Variants in HP1BP3 observed in about 807,000 individuals in gnomAD.
HP1BP3 encodes the protein heterochromatin protein 1 binding protein 3.
In HP1BP3, 12 loss-of-function variants were observed where a neutral mutation model predicts 62.5. The ratio of observed to expected loss-of-function variants is 0.19; its 90% CI spans 0.12 to 0.31. The LOEUF is 0.31. Ranked by LOEUF, HP1BP3 falls within the 10% of genes least tolerant of loss-of-function variation. The probability of loss-of-function intolerance (pLI) is 1.00; values close to 1 mark genes in which losing one functional copy is unlikely to be tolerated. For missense variants in HP1BP3, 502 were observed against 651.8 expected (o/e 0.77, Z 2.50); for synonymous variants, 260 against 237.8 (o/e 1.09, Z -0.86).
At chr1:20,767,096 A>G (rs1474129490) in intron 7 of HP1BP3, among the ~76,000 whole-genome samples, 1 of 152,124 alleles carries the variant, frequency 6.6e-6, no homozygotes, top group Non-Finnish European at 1.5e-5. Context: ...AGGCGGGCAG[A>G]TCACTGAGGT....
intron 1 of HP1BP3, among the ~76,000 whole-genome samples, chr1:20,784,876 A>C (rs1478320349): frequency 1.3e-5 from 2 of 152,212 alleles, no homozygotes; most frequent in African/African-American, 4.8e-5. Context: ...GCTTGCTTAA[A>C]CTTAATGTTA....
At chr1:20,764,626 A>G (rs2056672428) in intron 8 of HP1BP3, among the ~76,000 whole-genome samples, 1 of 151,202 alleles carries the variant, frequency 6.6e-6, no homozygotes, top group Non-Finnish European at 1.5e-5. Context: ...ATATCTTAAC[A>G]GCTGACAACA....
In HP1BP3 at chr1:20,767,596, G is replaced by A. The variant is rs748980318; in HGVS notation, c.723C>T (p.Ser241=). The A allele has an allele frequency of 8.1e-6, 13 of 1,608,296 alleles. No individual in the cohort carries two copies. Among genetic ancestry groups the A allele is most frequent in the Non-Finnish European group, 1.1e-5 (13 of 1,176,238 alleles). ...ATAGATGTCTTACCTTTCTGTTTCTGGATTTCTGAGGTGTTTTTCTTGATT... is the reference window on the plus strand; with the variant it reads ...ATAGATGTCTTACCTTTCTGTTTCTAGATTTCTGAGGTGTTTTTCTTGATT... ...VQKSRKTPQK[S]RNRKNRSSAV... The change falls in exon 7 of 13, where the codon TCC becomes TCT. Residue 241 remains serine, a synonymous_variant. Transcript: ENST00000438032.
intron 9 of HP1BP3, among the ~76,000 whole-genome samples, chr1:20,753,320 CT>C (rs2055896613): frequency 6.6e-6 from 1 of 152,162 alleles, no homozygotes; most frequent in South Asian, 2.1e-4. Flanking sequence ...TAGACAGTAT[CT>C]TGCAAATGAA....
intron 9 of HP1BP3, 109 bp from the exon 10 acceptor site, chr1:20,749,991 T>C (rs2055607388): frequency 6.7e-7 from 1 of 1,490,062 alleles, no homozygotes; most frequent in African/African-American, 1.4e-5. Flanking sequence ...TTAGCACAGA[T>C]ATGTTTTACA....
Position 20,744,786 on chromosome 1 carries a change from T to C in HP1BP3, c.*11A>G. 1.3e-6 allele frequency: 2 copies of C among 1,588,300 alleles called. No homozygotes were observed. Among genetic ancestry groups the C allele is most frequent in the Non-Finnish European group, 1.7e-6 (2 of 1,170,522 alleles). On this transcript the variant is annotated 3_prime_UTR_variant, in exon 13 of 13. Transcript: ENST00000438032. ...TGAATTTCATCATGATACCCTTTTT[T>C]CCTATAAAATTTACTTTTTCACTCT...
intron 7 of HP1BP3, among the ~76,000 whole-genome samples, chr1:20,766,304 CA>C (rs922983211): frequency 6.6e-6 from 1 of 151,758 alleles, no homozygotes; most frequent in Non-Finnish European, 1.5e-5. Flanking sequence ...AACACACACA[CA>C]AAAAACACAC....
Position 20,776,689 on chromosome 1 carries a change from T to C in HP1BP3, c.258A>G (p.Pro86=), listed in dbSNP as rs746390482. 53 of 1,613,802 alleles carry C rather than the reference T, an allele frequency of 3.3e-5. No homozygotes were observed. In the South Asian group the frequency reaches 5.7e-4, roughly 17 times the overall value. Residue 86 remains proline (P), a synonymous_variant, in exon 4 of 13, where the codon CCA becomes CCG. Coordinates refer to ENST00000438032, the MANE Select transcript of HP1BP3 (RefSeq NM_001372052.1). ...STVEEQENET[P]PATSSEAEQP... is the part of the protein sequence containing the mutation. ...GCTCTGCCTCACTCGAAGTAGCAGG[T>C]GGAGTTTCATTCTCTTGTTCTTCTA...
chr1:20,773,826 G>A (rs549569620), intron 4 of HP1BP3: 35 of 372,368 alleles, frequency 9.4e-5, no homozygotes, highest in African/African-American at 6.9e-4. Context: ...CTTAGCTGCA[G>A]GAGAAAGGAG....
intron 1 of HP1BP3, among the ~76,000 whole-genome samples, chr1:20,783,461 G>C (rs951681609): frequency 2.0e-5 from 3 of 152,056 alleles, no homozygotes; most frequent in African/African-American, 7.2e-5. Context: ...GGAGGTTGCA[G>C]TGACCTGAGA....
At chr1:20,769,965 T>G (rs1557662583) in intron 6 of HP1BP3, among the ~76,000 whole-genome samples, 1 of 152,034 alleles carries the variant, frequency 6.6e-6, no homozygotes, top group Non-Finnish European at 1.5e-5. Context: ...AGGAATGGGG[T>G]GAACTAGGTT....
At position 20,744,177 on chromosome 1, in the gene HP1BP3, T is replaced by A. The variant is rs2055176444; in HGVS notation, c.*620A>T. 1 of 152,568 alleles carries A rather than the reference T, an allele frequency of 6.6e-6. No individual in the cohort carries two copies. Among genetic ancestry groups the A allele is most frequent in the Admixed American group, 6.5e-5 (1 of 15,272 alleles). 9.5% of individuals were successfully genotyped at this position (152,568 alleles called of 1,614,324 possible). The stretch of plus-strand genomic sequence containing the variant: ...CCAGTGAAAAATACCTAGAAATTGA[T>A]CAATATGAAATGTAGCCCAAAGGAG... On this transcript the variant is annotated 3_prime_UTR_variant, in exon 13 of 13. Transcript: ENST00000438032.
At chr1:20,787,134 C>T (rs1449346718) in intron 1 of HP1BP3, 61 bp downstream of exon 1, 1 of 151,694 alleles carries the variant, frequency 6.6e-6, no homozygotes, top group Non-Finnish European at 1.5e-5. Context: ...CTCCGCCACT[C>T]GCCTTCGGGG....
intron 9 of HP1BP3, among the ~76,000 whole-genome samples, chr1:20,750,575 T>A (rs74406943): frequency 6.6e-6 from 1 of 151,416 alleles, no homozygotes; most frequent in Non-Finnish European, 1.5e-5. Context: ...ATTATTTTAT[T>A]TGAGAATACT....
intron 10 of HP1BP3, among the ~76,000 whole-genome samples, chr1:20,748,420 T>G (rs2055480491): frequency 1.3e-5 from 2 of 152,224 alleles, no homozygotes; most frequent in South Asian, 4.1e-4. Flanking sequence ...GAAAGGCTTG[T>G]TAACCAAATT....
At chr1:20,780,815 C>T (rs1407764367) in intron 1 of HP1BP3, among the ~76,000 whole-genome samples, 1 of 152,176 alleles carries the variant, frequency 6.6e-6, no homozygotes, top group Non-Finnish European at 1.5e-5. Context: ...AACCCCATCC[C>T]CTCCTGCCAC....
chr1:20,779,651 G>A (rs969171441), intron 3 of HP1BP3, among the ~76,000 whole-genome samples, 161 bp downstream of exon 3: 1 of 148,818 alleles, frequency 6.7e-6, no homozygotes, highest in African/African-American at 2.5e-5. Flanking sequence ...TCATGGTCTG[G>A]CAATGACATA....
At chr1:20,772,529 G>C (rs776979222) in intron 5 of HP1BP3, among the ~76,000 whole-genome samples, 4 of 151,782 alleles carry the variant, frequency 2.6e-5, no homozygotes, top group Non-Finnish European at 5.9e-5. Context: ...AAGAAGTCTT[G>C]AAGGAGTAAA....
At chr1:20,749,292 G>A (rs1219552697) in intron 10 of HP1BP3, among the ~76,000 whole-genome samples, 12 of 149,618 alleles carry the variant, frequency 8.0e-5, no homozygotes, top group African/African-American at 2.9e-4. Flanking sequence ...TTCCCTCTTG[G>A]TTTTCAGTCA....
Sources: allele counts gnomAD v4.1 joint callset (sites outside exome capture counted in the v4.1 genomes callset), GRCh38; gene constraint gnomAD v4.1.1; transcripts MANE v1.5; gene names NCBI Gene and HGNC (gene_info 2026-07-23, HGNC 2026-07-21).